Variants in SRSF11 observed in about 807,000 individuals in gnomAD.
The protein encoded by SRSF11 is serine/arginine-rich splicing factor 11.
Under a neutral mutation model 56.0 loss-of-function variants are expected in SRSF11, and 9 were observed. The ratio of observed to expected loss-of-function variants is 0.16; its 90% CI spans 0.10 to 0.28. SRSF11 has a LOEUF of 0.28. Among genes scored for constraint, SRSF11 ranks in the 10% least tolerant of loss-of-function variants. The pLI, the probability that SRSF11 is intolerant of heterozygous loss-of-function variation, is 1.00. For missense variants in SRSF11, 421 were observed against 600.7 expected (o/e 0.70, Z 3.13); for synonymous variants, 222 against 215.3 (o/e 1.03, Z -0.27).
chr1:70,239,289 A>G (rs1169342175), intron 6 of SRSF11, 150 bp from the exon 7 acceptor site: 1 of 557,846 alleles, frequency 1.8e-6, no homozygotes, highest in Non-Finnish European at 3.2e-6. Flanking sequence ...ATGAGGCCTC[A>G]CTATATTGCC....
chr1:70,206,134 G>A (rs1417028134), intron 1 of SRSF11, among the ~76,000 whole-genome samples: 2 of 152,178 alleles, frequency 1.3e-5, no homozygotes, highest in Non-Finnish European at 2.9e-5. Flanking sequence ...GAAATGGAAG[G>A]ACTGGCAACA....
At chr1:70,213,267 T>G (rs1279346416) in intron 1 of SRSF11, among the ~76,000 whole-genome samples, 1 of 152,180 alleles carries the variant, frequency 6.6e-6, no homozygotes, top group Non-Finnish European at 1.5e-5. Context: ...GAAGAAGTAT[T>G]TATTACAGTA....
chr1:70,221,572 C>T lies in SRSF11; in HGVS notation c.-65C>T, dbSNP rs749554241. On this transcript the variant is annotated 5_prime_UTR_variant, in exon 1 of 12. Coordinates refer to ENST00000370949, the MANE Select transcript of SRSF11 (RefSeq NM_001350605.2). ...CTCCCGCAATCCGGTTCCTCTTCCC[C>T]CTCCTTCTCACTGTTTGTTGTGTGT... The T allele has an allele frequency of 6.3e-5, 97 of 1,540,598 alleles. 1 individual carries two copies. The highest frequency in any genetic ancestry group is 5.7e-5 in the Non-Finnish European group (65 of 1,142,288).
chr1:70,239,150 GGT>G (rs1373922594), intron 6 of SRSF11, among the ~76,000 whole-genome samples: 6 of 152,122 alleles, frequency 3.9e-5, no homozygotes, highest in African/African-American at 1.4e-4. Flanking sequence ...GGAGTGCAGT[GGT>G]GCAATCACAG....
intron 7 of SRSF11, among the ~76,000 whole-genome samples, chr1:70,244,302 A>G (rs1160193064): frequency 6.6e-6 from 1 of 152,232 alleles, no homozygotes; most frequent in Non-Finnish European, 1.5e-5. Flanking sequence ...AAGCTGCACT[A>G]ATGAGGAATC....
At chr1:70,232,773 G>C (rs940277201) in intron 3 of SRSF11, among the ~76,000 whole-genome samples, 9 of 151,998 alleles carry the variant, frequency 5.9e-5, no homozygotes, top group African/African-American at 2.2e-4. Context: ...CCTGTTATTT[G>C]GGGGGTTTTG....
intron 9 of SRSF11, among the ~76,000 whole-genome samples, chr1:70,247,811 T>A (rs1045926338): frequency 6.6e-6 from 1 of 152,092 alleles, no homozygotes; most frequent in Non-Finnish European, 1.5e-5. Flanking sequence ...TAAGAACTCT[T>A]AGAACTCAGC....
chr1:70,209,989 T>A (rs1007478294), intron 1 of SRSF11, among the ~76,000 whole-genome samples: 1 of 152,020 alleles, frequency 6.6e-6, no homozygotes, highest in African/African-American at 2.4e-5. Flanking sequence ...TGTATTATGT[T>A]GTTACTGGAG....
intron 4 of SRSF11, 52 bp downstream of exon 4, chr1:70,234,840 T>G (rs1487031145): frequency 7.0e-7 from 1 of 1,434,064 alleles, no homozygotes; most frequent in African/African-American, 1.4e-5. Flanking sequence ...AAGATCTGTT[T>G]CATTAACTGT....
At chr1:70,233,000 G>A (rs1158837880) in intron 3 of SRSF11, among the ~76,000 whole-genome samples, 1 of 152,102 alleles carries the variant, frequency 6.6e-6, no homozygotes, top group African/African-American at 2.4e-5. Context: ...GCCTCAACTG[G>A]AAATTTATAA....
intron 1 of SRSF11, among the ~76,000 whole-genome samples, chr1:70,208,580 C>T (rs1265219919): frequency 6.6e-6 from 1 of 152,172 alleles, no homozygotes; most frequent in East Asian, 1.9e-4. Flanking sequence ...TCATGTGATC[C>T]ACCTGCCTCG....
At chr1:70,221,089 A>G (rs1558151129), upstream of SRSF11, 1 of 153,032 alleles carries the variant, frequency 6.5e-6, no homozygotes, top group Non-Finnish European at 1.5e-5. Context: ...TTATCAGTAT[A>G]TAAAGACATC....
intron 1 of SRSF11, among the ~76,000 whole-genome samples, chr1:70,224,853 C>T (rs965716002): frequency 6.6e-6 from 1 of 152,128 alleles, no homozygotes; most frequent in Admixed American, 6.5e-5. Context: ...TTCTGAAATG[C>T]GTACTGGAAA....
At chr1:70,206,002 G>A (rs1004335200) in intron 1 of SRSF11, among the ~76,000 whole-genome samples, 1 of 152,082 alleles carries the variant, frequency 6.6e-6, no homozygotes, top group Non-Finnish European at 1.5e-5. Flanking sequence ...TGTCGCTTGT[G>A]GTGGTGGCGC....
At chr1:70,243,339 A>C in intron 7 of SRSF11, among the ~76,000 whole-genome samples, 1 of 26,356 alleles carries the variant, frequency 3.8e-5, no homozygotes, top group East Asian at 2.4e-3. Context: ...TTGGTGGCAA[A>C]AAAAAAAAAA....
At chr1:70,236,852 G>A (rs1674202684) in intron 5 of SRSF11, among the ~76,000 whole-genome samples, 1 of 127,928 alleles carries the variant, frequency 7.8e-6, no homozygotes, top group South Asian at 2.4e-4. Flanking sequence ...CGCCCAGGCT[G>A]GAGTGCAGTG....
rs1290823921 is a variant in SRSF11 at position 70,250,840 on chromosome 1, C to T, written c.*35C>T. 2 of 1,544,778 alleles carry T rather than the reference C, an allele frequency of 1.3e-6. No homozygotes were observed. Among genetic ancestry groups the T allele is most frequent in the South Asian group, 2.2e-5 (2 of 89,238 alleles). On this transcript the variant is annotated 3_prime_UTR_variant, in exon 12 of 12. Coordinates refer to ENST00000370949, the MANE Select transcript of SRSF11 (RefSeq NM_001350605.2). The stretch of plus-strand genomic sequence containing the variant: ...CTGAGGGAGTCCAACTGTATACCTG[C>T]ATCAGTGTCATTCCTTTGTGTGATT...
chr1:70,241,831 T>G (rs994319999), intron 7 of SRSF11, among the ~76,000 whole-genome samples: 20 of 152,214 alleles, frequency 1.3e-4, no homozygotes, highest in Non-Finnish European at 1.5e-5. Flanking sequence ...TACCTCATGA[T>G]TACTACAATT....
At chr1:70,250,542 A>T (rs1351690975) in intron 11 of SRSF11, 39 bp downstream of exon 11, 1 of 1,607,032 alleles carries the variant, frequency 6.2e-7, no homozygotes, top group African/African-American at 1.3e-5. Flanking sequence ...ATTTGGGGTG[A>T]TGTTGGTACT....
Sources: allele counts gnomAD v4.1 joint callset (sites outside exome capture counted in the v4.1 genomes callset), GRCh38; gene constraint gnomAD v4.1.1; transcripts MANE v1.5; gene names NCBI Gene and HGNC (gene_info 2026-07-23, HGNC 2026-07-21).